EPHA5: variants seen among roughly 807,000 people sequenced by gnomAD.
EPHA5 encodes ephrin type-A receptor 5.
A neutral mutation model predicts 105.0 loss-of-function variants in EPHA5; 60 were observed. The observed-to-expected ratio is 0.57, with a 90% CI of 0.46 to 0.71. EPHA5 has a LOEUF of 0.71. Ranked by LOEUF, EPHA5 falls within the 30% of genes least tolerant of loss-of-function variation. The pLI, the probability that EPHA5 is intolerant of heterozygous loss-of-function variation, is 0.00. For synonymous variants in EPHA5, 513 were observed against 449.1 expected (o/e 1.14, Z -1.80); for missense variants, 1,218 against 1,274.7 (o/e 0.96, Z 0.68).
intron 8 of EPHA5, among the ~76,000 whole-genome samples, chr4:65,373,993 T>C (rs1313659893): frequency 6.6e-6 from 1 of 151,962 alleles, no homozygotes; most frequent in Non-Finnish European, 1.5e-5. Context: ...CATTGGTTTC[T>C]GTAAGCACAA....
At chr4:65,348,698 A>ATATATATAT (rs1491144544) in intron 13 of EPHA5, among the ~76,000 whole-genome samples, 1 of 19,850 alleles carries the variant, frequency 5.0e-5, no homozygotes, top group Admixed American at 6.2e-4. Context: ...ATATATATAT[A>ATATATATAT]AAATATATAT....
chr4:65,534,913 G>A (rs4860677), intron 3 of EPHA5, among the ~76,000 whole-genome samples: 36,272 of 152,104 alleles, frequency 0.24, 4,435 homozygotes, highest in Admixed American at 0.28. Flanking sequence ...AAGTTTGTCC[G>A]TAGTTCTGGT....
chr4:65,396,025 C>G (rs1026513303), intron 8 of EPHA5, among the ~76,000 whole-genome samples: 2 of 152,162 alleles, frequency 1.3e-5, no homozygotes, highest in African/African-American at 4.8e-5. Flanking sequence ...ACAGCTGCAG[C>G]CACCCAACTG....
At chr4:65,473,845 CA>C (rs1259298384) in intron 5 of EPHA5, among the ~76,000 whole-genome samples, 2 of 149,940 alleles carry the variant, frequency 1.3e-5, no homozygotes, top group African/African-American at 4.9e-5. Context: ...CTCCCTTTCC[CA>C]TTAGTAGTCC....
chr4:65,573,659 C>T, intron 3 of EPHA5: 2 of 1,601,702 alleles, frequency 1.2e-6, no homozygotes, highest in African/African-American at 1.3e-5. Flanking sequence ...CCAGAAAGGC[C>T]ATGTACAAGA....
At chr4:65,498,996 C>T (rs2149236154) in intron 3 of EPHA5, among the ~76,000 whole-genome samples, 1 of 140,966 alleles carries the variant, frequency 7.1e-6, no homozygotes, top group South Asian at 2.2e-4. Context: ...TGTAGCATCG[C>T]CTCTTATTCA....
intron 5 of EPHA5, among the ~76,000 whole-genome samples, chr4:65,477,163 T>G (rs977808046): frequency 6.6e-6 from 1 of 152,184 alleles, no homozygotes; most frequent in Non-Finnish European, 1.5e-5. Context: ...TAGAAAGCCA[T>G]GTTCAAACTG....
At chr4:65,371,084 ATG>A (rs899601316) in intron 8 of EPHA5, among the ~76,000 whole-genome samples, 1 of 152,096 alleles carries the variant, frequency 6.6e-6, no homozygotes, top group Non-Finnish European at 1.5e-5. Context: ...TCTGGAAATG[ATG>A]TCTTTTTTTT....
intron 5 of EPHA5, among the ~76,000 whole-genome samples, chr4:65,453,373 A>G (rs1235178187): frequency 1.3e-5 from 2 of 152,094 alleles, no homozygotes; most frequent in Non-Finnish European, 2.9e-5. Context: ...TAATTCTCCA[A>G]CTCTTTAGGT....
At chr4:65,583,478 A>G (rs933515522) in intron 3 of EPHA5, among the ~76,000 whole-genome samples, 3 of 151,812 alleles carry the variant, frequency 2.0e-5, no homozygotes, top group Admixed American at 2.0e-4. Flanking sequence ...ATCAATTTAT[A>G]TATCACCAAT....
At chr4:65,585,219 ATGAAT>A (rs1742003832) in intron 3 of EPHA5, among the ~76,000 whole-genome samples, 1 of 151,874 alleles carries the variant, frequency 6.6e-6, no homozygotes, top group African/African-American at 2.4e-5. Flanking sequence ...TTTGCTATAA[ATGAAT>A]TGAATGAATT....
chr4:65,637,018 A>G (rs559305706), intron 2 of EPHA5, among the ~76,000 whole-genome samples: 1 of 152,206 alleles, frequency 6.6e-6, no homozygotes, highest in East Asian at 1.9e-4. Flanking sequence ...TATGTCCAGA[A>G]GAAAAAAGAG....
chr4:65,576,274 C>A (rs1422958920), intron 3 of EPHA5, among the ~76,000 whole-genome samples: 1 of 152,004 alleles, frequency 6.6e-6, no homozygotes, highest in East Asian at 1.9e-4. Context: ...GAAACATGCC[C>A]AGTATGGAAC....
chr4:65,378,735 T>A (rs965745334), intron 8 of EPHA5, among the ~76,000 whole-genome samples: 3 of 151,966 alleles, frequency 2.0e-5, no homozygotes, highest in African/African-American at 4.8e-5. Context: ...GTTAGACTGC[T>A]AGTTTTCTGA....
intron 8 of EPHA5, among the ~76,000 whole-genome samples, chr4:65,370,570 C>T (rs1478231824): frequency 5.3e-5 from 8 of 152,182 alleles, no homozygotes; most frequent in South Asian, 4.1e-4. Context: ...ATAAATAATA[C>T]GCTTTCAAAA....
intron 1 of EPHA5, among the ~76,000 whole-genome samples, chr4:65,644,836 A>C (rs1747980132): frequency 6.6e-6 from 1 of 151,960 alleles, no homozygotes; most frequent in Admixed American, 6.6e-5. Context: ...AAAAACAAAT[A>C]TGTTAAATAT....
chr4:65,441,955 A>ACCTG (rs1726057063), intron 5 of EPHA5, among the ~76,000 whole-genome samples: 1 of 152,134 alleles, frequency 6.6e-6, no homozygotes, highest in African/African-American at 2.4e-5. Flanking sequence ...GTACTATGCC[A>ACCTG]GGTGTTTGAC....
At chr4:65,662,894 G>T (rs1749670941) in intron 1 of EPHA5, among the ~76,000 whole-genome samples, 1 of 151,876 alleles carries the variant, frequency 6.6e-6, no homozygotes, top group South Asian at 2.1e-4. Flanking sequence ...CAAAATTCCA[G>T]GCAAGTTATT....
chr4:65,427,671 A>G (rs1389818318), intron 5 of EPHA5, among the ~76,000 whole-genome samples: 1 of 152,214 alleles, frequency 6.6e-6, no homozygotes, highest in Non-Finnish European at 1.5e-5. Flanking sequence ...TAGCTAATCT[A>G]AAAACCTAAG....
Sources: gnomAD v4.1 joint callset for allele counts (sites outside exome capture counted in the v4.1 genomes callset) on GRCh38, gnomAD v4.1.1 for gene constraint, MANE v1.5 for transcripts, NCBI Gene and HGNC (gene_info 2026-07-23, HGNC 2026-07-21) for gene names.